The following TVP23A variants were observed in gnomAD, a reference collection of about 807,000 sequenced individuals.
TVP23A encodes the protein Golgi apparatus membrane protein TVP23 homolog A.
A neutral mutation model predicts 31.7 loss-of-function variants in TVP23A; 21 were observed. That is an observed-to-expected ratio of 0.66 (90% CI 0.47 to 0.95). The LOEUF (loss-of-function observed/expected upper bound fraction) is 0.95, where lower values mean the gene tolerates loss of function less well. Ranked by LOEUF, TVP23A falls within the 40% of genes least tolerant of loss-of-function variation. TVP23A has a pLI of 0.00. For synonymous variants in TVP23A, 104 were observed against 96.0 expected, an observed-to-expected ratio of 1.08 and a Z score of -0.49; for missense variants, 279 against 255.6, an observed-to-expected ratio of 1.09 and a Z score of -0.62.
At chr16:10,786,060 G>A (rs1329385793) in intron 2 of TVP23A, among the ~76,000 whole-genome samples, 1 of 152,202 alleles carries the variant, frequency 6.6e-6, no homozygotes, top group African/African-American at 2.4e-5. Flanking sequence ...GTTCTTTTAA[G>A]TTTCTGATGA....
chr16:10,787,746 C>A (rs146397539), intron 2 of TVP23A, among the ~76,000 whole-genome samples: 1 of 152,092 alleles, frequency 6.6e-6, no homozygotes, highest in African/African-American at 2.4e-5. Context: ...CTTTCTTTTG[C>A]CTATTAAACC....
At chr16:10,809,299 G>C (rs140150282) in intron 2 of TVP23A, among the ~76,000 whole-genome samples, 4 of 152,194 alleles carry the variant, frequency 2.6e-5, no homozygotes, top group African/African-American at 7.2e-5. Flanking sequence ...GGTTAACATC[G>C]GGCCTGGGCT....
intron 2 of TVP23A, among the ~76,000 whole-genome samples, chr16:10,814,306 G>A (rs75850646): frequency 7.9e-5 from 12 of 152,062 alleles, no homozygotes; most frequent in Admixed American, 2.0e-4. Flanking sequence ...GTGACTTCTC[G>A]AGCTCCTGGC....
rs373808557 is a variant in TVP23A, at chr16:10,775,034, C to T, written c.152G>A (p.Ser51Asn). The change falls in exon 3 of 8, where the codon AGC becomes AAC. Residue 51 changes from serine to asparagine, a missense_variant. Coordinates refer to ENST00000299866, the MANE Select transcript of TVP23A (RefSeq NM_001079512.4). ...AAAGCTCTTGCTGAACCAGTCGCAGCTCACGTAGGTGACGATGGCACTCAC... is the reference window on the plus strand; with the variant it reads ...AAAGCTCTTGCTGAACCAGTCGCAGTTCACGTAGGTGACGATGGCACTCAC... Reference protein sequence around the residue: ...FRVSAIVTYVSCDWFSKSFVG... With the variant: ...FRVSAIVTYVNCDWFSKSFVG... 4.9e-5 allele frequency: 79 copies of T among 1,612,186 alleles called. 2 individuals carry two copies. In the Middle Eastern group the frequency reaches 1.3e-3, roughly 27 times the overall value.
chr16:10,758,603 T>C (rs576882056), downstream of TVP23A, among the ~76,000 whole-genome samples: 1 of 152,338 alleles, frequency 6.6e-6, no homozygotes, highest in African/African-American at 2.4e-5. Context: ...GAACTTTCCT[T>C]GAGGAAACTA....
rs190009657 is a variant in TVP23A at position 10,788,704 on chromosome 16, C to T, written c.90-13608G>A. Among the ~76,000 whole-genome samples, 17 of 152,096 alleles carry T rather than the reference C, an allele frequency of 1.1e-4. No homozygotes were observed. The East Asian group carries it at 2.7e-3, about 24-fold the overall frequency. On this transcript the variant is annotated intron_variant, in intron 2 of 7. Transcript: ENST00000299866. ...GAGAAGCAGATGTTCAGGGGTGAAA[C>T]GGGGAAAGGGAGACAGTATGTCATA...
chr16:10,757,859 A>G (rs771241720), downstream of TVP23A: 1 of 1,608,310 alleles, frequency 6.2e-7, no homozygotes, highest in Non-Finnish European at 8.5e-7. The surrounding 1 kb of genome is among the most constrained non-coding windows in gnomAD (Gnocchi z 4.1). Context: ...TCCCCTGTGG[A>G]TTCCTCTTTC....
At chr16:10,765,439 T>G (rs1004532627), downstream of TVP23A, among the ~76,000 whole-genome samples, 2 of 151,046 alleles carry the variant, frequency 1.3e-5, no homozygotes, top group African/African-American at 4.9e-5. The surrounding 1 kb of genome is among the most constrained non-coding windows in gnomAD (Gnocchi z 4.0). Flanking sequence ...CCCAGGGAGG[T>G]TGAGGTTGCA....
rs1340344264 is a variant in TVP23A, at chr16:10,773,346, A to T, written c.420T>A (p.Phe140Leu). 2 of 1,591,826 alleles carry T rather than the reference A, an allele frequency of 1.3e-6. No individual in the cohort carries two copies. Among genetic ancestry groups the T allele is most frequent in the African/African-American group, 2.7e-5 (2 of 73,898 alleles). Residue 140 changes from phenylalanine (F) to leucine (L), a missense_variant, in exon 5 of 8, where the codon TTT becomes TTA. Phe to Leu is a conservative substitution (Grantham distance 22). Transcript: ENST00000299866. Reference protein sequence around the residue: ...ICPMIWIVFFFSTLFSLKLKW... With the variant: ...ICPMIWIVFFLSTLFSLKLKW... ...TTAGCTTCAAGGAAAATAAGGTGCT[A>T]AAAAAAAACACAATCCATATCATGG...
chr16:10,805,569 G>A (rs898657348), intron 2 of TVP23A, among the ~76,000 whole-genome samples: 5 of 148,594 alleles, frequency 3.4e-5, no homozygotes, highest in Admixed American at 6.9e-5. Context: ...CTCCTGTCAC[G>A]AGTGAAGGGT....
At chr16:10,794,756 T>C (rs562537334) in intron 2 of TVP23A, among the ~76,000 whole-genome samples, 1 of 152,240 alleles carries the variant, frequency 6.6e-6, no homozygotes, top group South Asian at 2.1e-4. Flanking sequence ...GGTAGGGGTC[T>C]GTGTCTGTCT....
chr16:10,787,224 A>G (rs2032815008), intron 2 of TVP23A, among the ~76,000 whole-genome samples: 1 of 152,180 alleles, frequency 6.6e-6, no homozygotes, highest in Non-Finnish European at 1.5e-5. Flanking sequence ...AGTTAAGAAG[A>G]AATTATTTAG....
chr16:10,758,617 A>C (rs1040154060), downstream of TVP23A, among the ~76,000 whole-genome samples: 1 of 152,148 alleles, frequency 6.6e-6, no homozygotes, highest in African/African-American at 2.4e-5. Context: ...GAAACTAGGG[A>C]AACCACCAGT....
At chr16:10,790,926 G>C (rs1399820040) in intron 2 of TVP23A, among the ~76,000 whole-genome samples, 4 of 152,142 alleles carry the variant, frequency 2.6e-5, no homozygotes, top group African/African-American at 9.7e-5. Context: ...GATTCCAATG[G>C]GAGGAGGGTA....
chr16:10,791,065 T>C (rs2033076392), intron 2 of TVP23A, among the ~76,000 whole-genome samples: 1 of 152,160 alleles, frequency 6.6e-6, no homozygotes, highest in South Asian at 2.1e-4. Flanking sequence ...ACTTTTATTT[T>C]TGGTTTACAG....
chr16:10,787,487 AT>A (rs2032834748), intron 2 of TVP23A, among the ~76,000 whole-genome samples: 1 of 148,826 alleles, frequency 6.7e-6, no homozygotes, highest in African/African-American at 2.6e-5. Context: ...GGCAGGCAAC[AT>A]GGGGCAGGCA....
Position 10,818,412 on chromosome 16 carries a change from C to G in TVP23A, c.9+73G>C. On this transcript the variant is annotated intron_variant, in intron 1 of 7. Transcript: ENST00000299866. This position sits in a 1 kb window ranked among gnomAD's most constrained non-coding sequence, Gnocchi z 4.7. ...CCCGGCGCATCCCTCCTCCTCCTCC[C>G]GGCTTCTCCAGCGCTCCCGCAGGCT... is the stretch of plus-strand genomic sequence containing the variant. 1 of 1,571,864 alleles carries G rather than the reference C, an allele frequency of 6.4e-7. No individual in the cohort carries two copies. Among genetic ancestry groups the G allele is most frequent in the South Asian group, 1.2e-5 (1 of 86,362 alleles).
chr16:10,812,708 A>C (rs1421135956), intron 2 of TVP23A, among the ~76,000 whole-genome samples: 1 of 152,208 alleles, frequency 6.6e-6, no homozygotes, highest in Non-Finnish European at 1.5e-5. Context: ...AAATGCATAC[A>C]GACAGAAAGG....
Position 10,802,000 on chromosome 16 carries a change from A to C in TVP23A, c.89+16103T>G, listed in dbSNP as rs575606742. Among the ~76,000 whole-genome samples, 80 of 152,088 alleles carry C rather than the reference A, an allele frequency of 5.3e-4. 2 individuals carry two copies. Among genetic ancestry groups the C allele is most frequent in the Non-Finnish European group, 1.0e-4 (7 of 67,998 alleles). ...AATATAGCAAGATCTTGTTTCTACA[A>C]AAAATAAAAAATAAATTTAAAAAGT... On this transcript the variant is annotated intron_variant, in intron 2 of 7. Coordinates refer to ENST00000299866, the MANE Select transcript of TVP23A (RefSeq NM_001079512.4).
Sources: allele counts gnomAD v4.1 joint callset (sites outside exome capture counted in the v4.1 genomes callset), GRCh38; gene constraint gnomAD v4.1.1; non-coding constraint Gnocchi (gnomAD v3.1); transcripts MANE v1.5; gene names NCBI Gene and HGNC (gene_info 2026-07-23, HGNC 2026-07-21).